SEMA5B: variants seen among roughly 807,000 people sequenced by gnomAD.
SEMA5B encodes semaphorin-5B.
SEMA5B carries 66 observed loss-of-function variants against 135.0 expected under a neutral mutation model. That is an observed-to-expected ratio of 0.49 (90% confidence interval 0.40 to 0.60). The LOEUF (loss-of-function observed/expected upper bound fraction) is 0.60, where lower values mean the gene tolerates loss of function less well. Among genes scored for constraint, SEMA5B ranks in the 20% least tolerant of loss-of-function variants. The pLI is 0.00. For synonymous variants in SEMA5B, 690 were observed against 639.5 expected (o/e 1.08, Z -1.19); for missense variants, 1,501 against 1,566.3 (o/e 0.96, Z 0.70).
At chr3:122,911,650 G>A in intron 20 of SEMA5B, 115 bp from the exon 21 acceptor site, 1 of 1,122,020 alleles carries the variant, frequency 8.9e-7, no homozygotes, top group South Asian at 1.5e-5. Flanking sequence ...GTAGGACTAG[G>A]TAGGCGTGGG....
intron 12 of SEMA5B, 106 bp downstream of exon 12, chr3:122,921,809 A>G: frequency 1.2e-6 from 1 of 841,612 alleles, no homozygotes. Context: ...AAGGCACACT[A>G]GTGGAGACTG....
intron 1 of SEMA5B, chr3:122,976,087 C>A (rs766141714): frequency 1.3e-6 from 2 of 1,535,320 alleles, no homozygotes; most frequent in African/African-American, 1.4e-5. Flanking sequence ...CTGACCCTCA[C>A]GCAGCCAATG....
intron 1 of SEMA5B, among the ~76,000 whole-genome samples, chr3:122,969,605 C>T (rs543300949): frequency 6.6e-6 from 1 of 152,218 alleles, no homozygotes; most frequent in Non-Finnish European, 1.5e-5. Flanking sequence ...TTCTGCTCCA[C>T]CTCATGGACA....
chr3:122,931,318 G>A (rs1220483299), intron 5 of SEMA5B, among the ~76,000 whole-genome samples: 4 of 151,844 alleles, frequency 2.6e-5, no homozygotes, highest in East Asian at 1.9e-4. Context: ...GTTCTTCCCC[G>A]CACCAAAGCA....
intron 1 of SEMA5B, among the ~76,000 whole-genome samples, chr3:123,018,604 G>T (rs923939140): frequency 6.6e-6 from 1 of 152,188 alleles, no homozygotes; most frequent in Non-Finnish European, 1.5e-5. Flanking sequence ...AGATGGTGTT[G>T]TTTTGAGCCA....
chr3:123,014,831 C>T (rs1235582911), intron 1 of SEMA5B, among the ~76,000 whole-genome samples: 2 of 152,196 alleles, frequency 1.3e-5, no homozygotes, highest in African/African-American at 4.8e-5. Context: ...TGTCCCCCCA[C>T]AAAGCTCACA....
At chr3:122,942,397 G>T (rs1012750080) in intron 4 of SEMA5B, among the ~76,000 whole-genome samples, 5 of 152,302 alleles carry the variant, frequency 3.3e-5, no homozygotes, top group African/African-American at 1.2e-4. Flanking sequence ...AGCATGGCCC[G>T]GAAGTGCCCA....
intron 4 of SEMA5B, among the ~76,000 whole-genome samples, chr3:122,941,959 C>A (rs1939583056): frequency 6.6e-6 from 1 of 152,150 alleles, no homozygotes; most frequent in Admixed American, 6.5e-5. Context: ...TAAAGTCCAT[C>A]CTCCTGTATA....
chr3:122,943,072 C>G (rs567163098), intron 4 of SEMA5B, among the ~76,000 whole-genome samples: 1 of 152,306 alleles, frequency 6.6e-6, no homozygotes, highest in South Asian at 2.1e-4. Flanking sequence ...GGCAGGGGGC[C>G]CCTGGGCACC....
At chr3:122,998,401 G>A (rs2107746297) in intron 1 of SEMA5B, among the ~76,000 whole-genome samples, 1 of 152,278 alleles carries the variant, frequency 6.6e-6, no homozygotes, top group South Asian at 2.1e-4. Context: ...CTTGACCTTG[G>A]GCCAGTCACT....
chr3:122,974,140 G>A (rs530967959), intron 1 of SEMA5B, among the ~76,000 whole-genome samples: 48 of 152,342 alleles, frequency 3.2e-4, no homozygotes, highest in African/African-American at 7.5e-4. Context: ...GCTTGCAGGC[G>A]GGGAGGGAGA....
At chr3:122,922,201 C>T (rs1460350587) in intron 11 of SEMA5B, 39 bp downstream of exon 11, 25 of 1,586,978 alleles carry the variant, frequency 1.6e-5, no homozygotes, top group South Asian at 1.1e-4. Flanking sequence ...CCTCAACCCA[C>T]CCCCGACCTG....
At position 122,942,060 on chromosome 3, in the gene SEMA5B, G is replaced by A. The variant is rs78596841; in HGVS notation, c.428+1376C>T. Among the ~76,000 whole-genome samples the A allele has an allele frequency of 8.2e-3, 1,245 of 152,268 alleles. 15 individuals carry two copies. Among genetic ancestry groups the A allele is most frequent in the African/African-American group, 0.028 (1,150 of 41,546 alleles). On this transcript the variant is annotated intron_variant, in intron 4 of 22. Coordinates refer to ENST00000357599, the MANE Select transcript of SEMA5B (RefSeq NM_001031702.4). The stretch of plus-strand genomic sequence containing the variant: ...TCAGGGGTCCTGCTTGTTTGAGGGG[G>A]TGGCCCTGCTTTTCACCATATACTC...
In SEMA5B at chr3:122,922,451, C is replaced by A. The variant is rs749623768; in HGVS notation, c.1273-4G>T. The A allele has an allele frequency of 6.3e-7, 1 of 1,588,144 alleles. No individual in the cohort carries two copies. The highest frequency in any genetic ancestry group is 1.1e-5 in the South Asian group (1 of 88,214). ...CGGTCTCAGGCAGGGTGCCACACTG[C>A]CGCGGGGAGCCAGGTCACGCGCGCC... On this transcript the variant is annotated splice_polypyrimidine_tract_variant and splice_region_variant and intron_variant, in intron 10 of 22. Coordinates refer to ENST00000357599, the MANE Select transcript of SEMA5B (RefSeq NM_001031702.4).
chr3:122,933,156 T>A (rs2107670466), intron 5 of SEMA5B, among the ~76,000 whole-genome samples: 1 of 152,172 alleles, frequency 6.6e-6, no homozygotes, highest in South Asian at 2.1e-4. Flanking sequence ...ACTGTTAGCC[T>A]GGGGCTTACC....
chr3:123,023,662 A>G (rs187942019), intron 1 of SEMA5B, among the ~76,000 whole-genome samples: 104 of 152,340 alleles, frequency 6.8e-4, no homozygotes, highest in African/African-American at 2.3e-3. Context: ...CTGGACTCCA[A>G]GTCCTTTGGA....
chr3:122,974,411 C>G (rs1423065425), intron 1 of SEMA5B, among the ~76,000 whole-genome samples: 1 of 152,262 alleles, frequency 6.6e-6, no homozygotes, highest in Non-Finnish European at 1.5e-5. Context: ...TGCGCACATG[C>G]CTGAGATCCA....
intron 1 of SEMA5B, among the ~76,000 whole-genome samples, chr3:122,966,503 G>A (rs900861979): frequency 2.6e-5 from 4 of 151,830 alleles, no homozygotes; most frequent in South Asian, 4.2e-4. Flanking sequence ...TGATGGGAGT[G>A]CCAACTCAGC....
At chr3:122,976,024 C>A in intron 1 of SEMA5B, 2 of 1,535,104 alleles carry the variant, frequency 1.3e-6, no homozygotes, top group South Asian at 1.2e-5. Flanking sequence ...TTCTGCTTGC[C>A]CGTCCCTGTA....
Sources: gnomAD v4.1 joint callset for allele counts (sites outside exome capture counted in the v4.1 genomes callset) on GRCh38, gnomAD v4.1.1 for gene constraint, MANE v1.5 for transcripts, NCBI Gene and HGNC (gene_info 2026-07-23, HGNC 2026-07-21) for gene names.